The following GPC5 variants were observed in gnomAD, a reference collection of about 807,000 sequenced individuals.
GPC5 encodes the protein glypican-5.
A neutral mutation model predicts 53.9 loss-of-function variants in GPC5; 47 were observed. The observed-to-expected ratio is 0.87, with a 90% CI of 0.69 to 1.11. The LOEUF is 1.11. Ranked by LOEUF, GPC5 falls within the 50% of genes most tolerant of loss-of-function variation. The pLI is 0.00. For missense variants in GPC5, 748 were observed against 713.1 expected (o/e 1.05, Z -0.56); for synonymous variants, 286 against 263.3 (o/e 1.09, Z -0.84).
At chr13:91,863,144 G>C (rs1329351250) in intron 5 of GPC5, among the ~76,000 whole-genome samples, 1 of 146,022 alleles carries the variant, frequency 6.8e-6, no homozygotes, top group Non-Finnish European at 1.5e-5. Flanking sequence ...AGATTTCCTT[G>C]TGACTATAGT....
At chr13:91,909,495 T>G (rs1351924633) in intron 6 of GPC5, among the ~76,000 whole-genome samples, 2 of 152,180 alleles carry the variant, frequency 1.3e-5, no homozygotes, top group Non-Finnish European at 2.9e-5. Flanking sequence ...TGTATATTTA[T>G]TCAGTCTCAT....
chr13:91,998,754 G>C (rs556351555), intron 6 of GPC5, among the ~76,000 whole-genome samples: 1 of 152,136 alleles, frequency 6.6e-6, no homozygotes, highest in Admixed American at 6.5e-5. Flanking sequence ...TTAATAAATG[G>C]TGTCTTTGCC....
intron 2 of GPC5, among the ~76,000 whole-genome samples, chr13:91,590,618 A>T (rs1347397874): frequency 1.3e-5 from 2 of 152,216 alleles, no homozygotes; most frequent in African/African-American, 4.8e-5. Flanking sequence ...CAAATTTACT[A>T]CAAAAATAAT....
chr13:91,772,582 C>A lies in GPC5; in HGVS notation c.1280+16162C>A, dbSNP rs143851657. ...TAATTTGTCAAGAATATAGGTATTT[C>A]CTTCAATGTCACCTAATTTATTAGA... is the stretch of plus-strand genomic sequence containing the variant. On this transcript the variant is annotated intron_variant, in intron 5 of 7. Coordinates refer to ENST00000377067, the MANE Select transcript of GPC5 (RefSeq NM_004466.6). Among the ~76,000 whole-genome samples, 604 of 152,104 alleles carry A rather than the reference C, an allele frequency of 4.0e-3. 3 individuals carry two copies. The highest frequency in any genetic ancestry group is 0.014 in the African/African-American group (588 of 41,524).
At chr13:92,861,008 A>ACTCTAGTCTCAAG (rs1489970162) in intron 7 of GPC5, among the ~76,000 whole-genome samples, 1 of 152,092 alleles carries the variant, frequency 6.6e-6, no homozygotes, top group Non-Finnish European at 1.5e-5. Context: ...AAGGAAACAC[A>ACTCTAGTCTCAAG]GCAATAGACT....
intron 7 of GPC5, among the ~76,000 whole-genome samples, chr13:92,811,719 A>G (rs2138799266): frequency 6.6e-6 from 1 of 152,016 alleles, no homozygotes; most frequent in Non-Finnish European, 1.5e-5. Flanking sequence ...TTTTTTTCTA[A>G]GAGATTTATA....
chr13:92,249,179 T>A (rs2042674783), intron 7 of GPC5, among the ~76,000 whole-genome samples: 1 of 152,132 alleles, frequency 6.6e-6, no homozygotes, highest in Non-Finnish European at 1.5e-5. Flanking sequence ...ACAAACAGTC[T>A]AAGTATTTTA....
At chr13:91,819,237 G>A (rs1240641417) in intron 5 of GPC5, among the ~76,000 whole-genome samples, 1 of 123,860 alleles carries the variant, frequency 8.1e-6, no homozygotes, top group Non-Finnish European at 1.6e-5. Flanking sequence ...TCAGCTCACT[G>A]CAACCTCCAC....
intron 7 of GPC5, among the ~76,000 whole-genome samples, chr13:92,595,990 A>G (rs556916270): frequency 6.6e-6 from 1 of 152,230 alleles, no homozygotes; most frequent in East Asian, 1.9e-4. Context: ...CTTGTTTGTC[A>G]CTGCTCTTAT....
At chr13:91,734,439 G>A (rs1252002149) in intron 4 of GPC5, among the ~76,000 whole-genome samples, 2 of 151,270 alleles carry the variant, frequency 1.3e-5, no homozygotes, top group African/African-American at 4.9e-5. Context: ...GAGACAGATT[G>A]AGCCTAAAAC....
intron 6 of GPC5, among the ~76,000 whole-genome samples, chr13:92,010,113 T>G (rs2040647396): frequency 6.6e-6 from 1 of 152,324 alleles, no homozygotes; most frequent in South Asian, 2.1e-4. Flanking sequence ...AAATACTGCA[T>G]TCTTGGTAAG....
intron 7 of GPC5, among the ~76,000 whole-genome samples, chr13:92,268,402 A>G (rs77448770): frequency 6.6e-6 from 1 of 151,910 alleles, no homozygotes; most frequent in Non-Finnish European, 1.5e-5. Context: ...GATATATAAC[A>G]AAATAGGATA....
chr13:92,426,997 A>G (rs966066753), intron 7 of GPC5, among the ~76,000 whole-genome samples: 15 of 151,988 alleles, frequency 9.9e-5, no homozygotes, highest in Non-Finnish European at 1.3e-4. Context: ...TCTTCTGACC[A>G]TTACATAGGC....
chr13:92,206,042 CAAAAAAAAA>C (rs58237718), intron 7 of GPC5, among the ~76,000 whole-genome samples: 1 of 90,422 alleles, frequency 1.1e-5, no homozygotes, highest in South Asian at 3.9e-4. Context: ...GACTCCATCT[CAAAAAAAAA>C]AAAAAAAAAA....
At chr13:92,335,238 C>G (rs1008478810) in intron 7 of GPC5, among the ~76,000 whole-genome samples, 23 of 152,122 alleles carry the variant, frequency 1.5e-4, no homozygotes. Flanking sequence ...CATCTGTATA[C>G]CTGCGAGACC....
At chr13:92,511,992 G>A (rs923012934) in intron 7 of GPC5, among the ~76,000 whole-genome samples, 2 of 152,100 alleles carry the variant, frequency 1.3e-5, no homozygotes, top group African/African-American at 4.8e-5. Context: ...CCGATTTCTA[G>A]TTGCTTTGTA....
intron 2 of GPC5, among the ~76,000 whole-genome samples, chr13:91,599,523 ACTAT>A (rs1594312204): frequency 6.6e-6 from 1 of 152,180 alleles, no homozygotes; most frequent in Non-Finnish European, 1.5e-5. Flanking sequence ...GTCCATAGAA[ACTAT>A]CTAACACAAA....
intron 2 of GPC5, among the ~76,000 whole-genome samples, chr13:91,655,283 T>C (rs1193440571): frequency 1.3e-5 from 2 of 151,980 alleles, no homozygotes; most frequent in African/African-American, 4.8e-5. Flanking sequence ...TTAGGGAAAA[T>C]TCTGTGTGTG....
At chr13:92,564,104 AT>A (rs1882791035) in intron 7 of GPC5, among the ~76,000 whole-genome samples, 1 of 152,022 alleles carries the variant, frequency 6.6e-6, no homozygotes, top group Non-Finnish European at 1.5e-5. Context: ...ATAAAACATT[AT>A]TTTTTATTTT....
Sources: allele counts gnomAD v4.1 joint callset (sites outside exome capture counted in the v4.1 genomes callset), GRCh38; gene constraint gnomAD v4.1.1; transcripts MANE v1.5; gene names NCBI Gene and HGNC (gene_info 2026-07-23, HGNC 2026-07-21).